DGKK: variants seen among roughly 807,000 people sequenced by gnomAD.
The protein encoded by DGKK is diacylglycerol kinase kappa.
In DGKK, 35 loss-of-function variants were observed where a neutral mutation model predicts 92.2. The ratio of observed to expected loss-of-function variants is 0.38; its 90% CI spans 0.29 to 0.50. The LOEUF (loss-of-function observed/expected upper bound fraction) is 0.50. DGKK is among the 20% of genes least tolerant of loss of function. The pLI is 0.92. For missense variants in DGKK, 910 were observed against 992.2 expected, an observed-to-expected ratio of 0.92 and a Z score of 1.11; for synonymous variants, 368 against 360.6, an observed-to-expected ratio of 1.02 and a Z score of -0.23.
intron 1 of DGKK, among the ~76,000 whole-genome samples, chrX:50,466,635 T>A (rs1926917594): frequency 9.0e-6 from 1 of 111,727 alleles, no homozygotes; most frequent in Admixed American, 9.5e-5. Context: ...AGCAGCAGCC[T>A]CTACATTGCT....
chrX:50,384,824 G>A lies in DGKK; in HGVS notation c.2348C>T (p.Ala783Val), dbSNP rs1243687601. The A allele has an allele frequency of 2.5e-6, 3 of 1,189,861 alleles. No homozygotes were observed. The highest frequency in any genetic ancestry group is 4.5e-5 in the Admixed American group (2 of 44,564). Residue 783 changes from alanine (A) to valine (V), a missense_variant and splice_region_variant, in exon 16 of 28, where the codon GCT (alanine) becomes GTT (valine). By Grantham distance (64) the Ala-to-Val change is moderately conservative. Transcript: ENST00000611977. ...TGTCTGTCTGCTTTCCTCATCCAGAGCTATAGAGAAAAGTGGGAGGAAGGA... is the reference window on the plus strand; with the variant it reads ...TGTCTGTCTGCTTTCCTCATCCAGAACTATAGAGAAAAGTGGGAGGAAGGA... Reference protein sequence around the residue: ...LKLIIFQVEQALDEESRQTIS... With the variant: ...LKLIIFQVEQVLDEESRQTIS...
chrX:50,383,816 G>C (rs1480642188), intron 17 of DGKK, among the ~76,000 whole-genome samples: 1 of 111,893 alleles, frequency 8.9e-6, no homozygotes, highest in East Asian at 2.8e-4. Flanking sequence ...AAGGGCAACA[G>C]TGAAAAAAAG....
At chrX:50,435,385 G>A (rs868959302) in intron 1 of DGKK, among the ~76,000 whole-genome samples, 1 of 112,213 alleles carries the variant, frequency 8.9e-6, no homozygotes, top group African/African-American at 3.2e-5. Flanking sequence ...GGAAGTACAT[G>A]TTTACTCCTG....
intron 1 of DGKK, among the ~76,000 whole-genome samples, chrX:50,461,352 C>A (rs978031190): frequency 8.9e-6 from 1 of 112,179 alleles, no homozygotes; most frequent in Non-Finnish European, 1.9e-5. Context: ...CACAATTGTG[C>A]ATTCCCCAAA....
At chrX:50,445,720 C>T (rs1043582564) in intron 1 of DGKK, among the ~76,000 whole-genome samples, 1 of 111,305 alleles carries the variant, frequency 9.0e-6, no homozygotes, top group East Asian at 2.8e-4. Context: ...AACGTGATGT[C>T]TCCAGCTTTG....
At chrX:50,391,872 A>G (rs892382542) in intron 10 of DGKK, among the ~76,000 whole-genome samples, 1 of 112,288 alleles carries the variant, frequency 8.9e-6, no homozygotes, top group African/African-American at 3.2e-5. Flanking sequence ...GTGAATTTCT[A>G]TCTGGGCTGG....
At chrX:50,422,411 C>A (rs782386916) in intron 3 of DGKK, 35 bp downstream of exon 3, 82 of 1,113,148 alleles carry the variant, frequency 7.4e-5, no homozygotes, top group African/African-American at 5.4e-5. Context: ...CTAGCCCCTA[C>A]CCCTGCCCAT....
At chrX:50,400,932 G>A in intron 8 of DGKK, 105 bp downstream of exon 8, 1 of 748,155 alleles carries the variant, frequency 1.3e-6, no homozygotes, top group African/African-American at 2.1e-5. Flanking sequence ...TCCCCAAAAT[G>A]TTTGACTGGT....
At position 50,378,204 on chromosome X, in the gene DGKK, C is replaced by T. The variant is rs375942377; in HGVS notation, c.3005G>A (p.Gly1002Asp). 8.3e-6 allele frequency: 10 copies of T among 1,208,361 alleles called. No homozygotes were observed. The highest frequency in any genetic ancestry group is 1.0e-5 in the Non-Finnish European group (9 of 894,669). Residue 1002 changes from glycine (G) to aspartate (D), a missense_variant, in exon 22 of 28, where the codon GGT becomes GAT. Transcript: ENST00000611977. Reference protein sequence around the residue: ...QCHEVMITIDGEEGIPVQVDG... With the variant: ...QCHEVMITIDDEEGIPVQVDG... ...CACCTGCACTGGGATACCTTCTTCA[C>T]CATCAATGGTTATCATCACCTCATG...
intron 5 of DGKK, 90 bp downstream of exon 5, chrX:50,403,959 G>C (rs1925077563): frequency 6.5e-6 from 7 of 1,073,119 alleles, no homozygotes; most frequent in Non-Finnish European, 8.8e-6. Context: ...CAGTGACCTA[G>C]TATGAGTTAA....
chrX:50,448,062 C>A (rs972097208), intron 1 of DGKK, among the ~76,000 whole-genome samples: 19 of 111,499 alleles, frequency 1.7e-4, no homozygotes, highest in Non-Finnish European at 3.2e-4. Flanking sequence ...GCCACCTGGA[C>A]AACTCAAATG....
At chrX:50,414,271 T>G (rs1257901323) in intron 4 of DGKK, among the ~76,000 whole-genome samples, 1 of 111,516 alleles carries the variant, frequency 9.0e-6, no homozygotes, top group African/African-American at 3.3e-5. Context: ...TGAGATCTAT[T>G]GTGCAGCAGG....
chrX:50,393,055 A>T, intron 9 of DGKK, 97 bp downstream of exon 9: 1 of 748,066 alleles, frequency 1.3e-6, no homozygotes, highest in Non-Finnish European at 1.9e-6. Context: ...TCCTGCCCAA[A>T]TACAAGAACT....
chrX:50,459,032 G>A (rs936396038), intron 1 of DGKK, among the ~76,000 whole-genome samples: 5 of 111,267 alleles, frequency 4.5e-5, no homozygotes. Context: ...TTGCTATCAG[G>A]CAGTCTCTCA....
intron 4 of DGKK, among the ~76,000 whole-genome samples, chrX:50,407,334 T>C (rs2147131059): frequency 8.9e-6 from 1 of 111,850 alleles, no homozygotes; most frequent in East Asian, 2.8e-4. Context: ...AACAGAAATC[T>C]AATTTTCTCA....
intron 14 of DGKK, 68 bp downstream of exon 14, chrX:50,387,486 T>G: frequency 1.2e-6 from 1 of 829,371 alleles, no homozygotes; most frequent in Non-Finnish European, 1.7e-6. Flanking sequence ...GAGGCATGTT[T>G]GCTTTTTATT....
At chrX:50,443,653 G>C (rs1350522291) in intron 1 of DGKK, among the ~76,000 whole-genome samples, 1 of 109,688 alleles carries the variant, frequency 9.1e-6, no homozygotes, top group Non-Finnish European at 1.9e-5. Flanking sequence ...GAATGACATT[G>C]GTACAATCCA....
intron 1 of DGKK, among the ~76,000 whole-genome samples, chrX:50,446,864 T>A (rs1926319658): frequency 9.0e-6 from 1 of 110,915 alleles, no homozygotes; most frequent in Non-Finnish European, 1.9e-5. Context: ...TTTACATTTA[T>A]GTGCATACAT....
intron 2 of DGKK, among the ~76,000 whole-genome samples, chrX:50,423,336 A>G (rs1196620888): frequency 8.9e-6 from 1 of 111,862 alleles, no homozygotes; most frequent in East Asian, 2.8e-4. Flanking sequence ...ATCAAGTACA[A>G]GATAAGTGTG....
Sources: allele counts gnomAD v4.1 joint callset (sites outside exome capture counted in the v4.1 genomes callset), GRCh38; gene constraint gnomAD v4.1.1; transcripts MANE v1.5; gene names NCBI Gene and HGNC (gene_info 2026-07-23, HGNC 2026-07-21).